Variants in MACF1 observed in about 807,000 individuals in gnomAD.
MACF1 encodes the protein microtubule-actin cross-linking factor 1.
A neutral mutation model predicts 854.8 loss-of-function variants in MACF1; 193 were observed. The observed-to-expected ratio is 0.23, with a 90% CI of 0.20 to 0.25. The LOEUF (loss-of-function observed/expected upper bound fraction) is 0.25, where lower values mean the gene tolerates loss of function less well. MACF1 is among the 10% of genes least tolerant of loss of function. The probability of loss-of-function intolerance (pLI) is 1.00; values close to 1 mark genes in which losing one functional copy is unlikely to be tolerated. For synonymous variants in MACF1, 3,185 were observed against 3,226.7 expected (o/e 0.99, Z 0.44); for missense variants, 7,722 against 8,929.1 (o/e 0.86, Z 5.45).
intron 36 of MACF1, among the ~76,000 whole-genome samples, chr1:39,330,904 C>G (rs1376639118): frequency 6.6e-6 from 1 of 151,946 alleles, no homozygotes; most frequent in African/African-American, 2.4e-5. Context: ...CGGGTTCAAG[C>G]CATTCTCCTG....
chr1:39,186,138 A>C (rs1032876778), intron 2 of MACF1, among the ~76,000 whole-genome samples: 20 of 148,116 alleles, frequency 1.4e-4, no homozygotes, highest in African/African-American at 5.0e-4. Flanking sequence ...CAGAATGTTA[A>C]GGGAATCCAT....
At chr1:39,319,786 C>T (rs1371692366) in intron 31 of MACF1, 39 bp downstream of exon 31, 1 of 1,436,030 alleles carries the variant, frequency 7.0e-7, no homozygotes, top group Admixed American at 1.7e-5. Context: ...TGAATCATCA[C>T]CAGCTCAGGA....
At chr1:39,091,510 T>C (rs1269125452) in intron 2 of MACF1, among the ~76,000 whole-genome samples, 1 of 152,134 alleles carries the variant, frequency 6.6e-6, no homozygotes, top group Non-Finnish European at 1.5e-5. Flanking sequence ...GATAATTTTT[T>C]TTTTGAGACA....
chr1:39,404,673 G>A (rs1214199139), intron 58 of MACF1, among the ~76,000 whole-genome samples: 4 of 152,078 alleles, frequency 2.6e-5, no homozygotes, highest in East Asian at 1.9e-4. Context: ...TTGTAGAGAC[G>A]AGTGTCTTGC....
intron 52 of MACF1, among the ~76,000 whole-genome samples, 165 bp from the exon 53 acceptor site, chr1:39,378,296 C>T (rs1234290940): frequency 6.6e-6 from 1 of 152,202 alleles, no homozygotes; most frequent in Non-Finnish European, 1.5e-5. Context: ...GTTTTGTTGC[C>T]TGGCAGCTAA....
intron 5 of MACF1, among the ~76,000 whole-genome samples, chr1:39,256,026 A>T (rs1393049699): frequency 1.3e-5 from 2 of 152,268 alleles, no homozygotes; most frequent in Non-Finnish European, 2.9e-5. Flanking sequence ...GTAGCTGTGC[A>T]GATGGCCAAG....
chr1:39,344,431 C>CAA (rs113140732), intron 40 of MACF1, among the ~76,000 whole-genome samples: 3 of 77,982 alleles, frequency 3.8e-5, no homozygotes, highest in East Asian at 3.2e-4. Flanking sequence ...GACTCTGTCT[C>CAA]AAAAAAAAAA....
Position 39,332,843 on chromosome 1 carries a change from AAAAG to A in MACF1, c.6257_6260del (p.Lys2086ArgfsTer9). ...CTGAACAGGATCTGTTTGTAGAACA[AAAAG>A]AGAGAAATCCAAACATTGATGCTTT... On this transcript the variant is annotated frameshift_variant, in exon 37 of 101. Transcript: ENST00000564288. LOFTEE classifies it high-confidence loss of function. 6.2e-7 allele frequency: 1 copy of A among 1,614,116 alleles called. No individual in the cohort carries two copies. The highest frequency in any genetic ancestry group is 1.1e-5 in the South Asian group (1 of 91,074).
At chr1:39,393,156 C>T (rs1417816070) in intron 58 of MACF1, among the ~76,000 whole-genome samples, 2 of 140,374 alleles carry the variant, frequency 1.4e-5, no homozygotes, top group African/African-American at 5.5e-5. Context: ...AAAGAATTCC[C>T]CTAGAGTGAC....
intron 2 of MACF1, among the ~76,000 whole-genome samples, chr1:39,115,512 C>A (rs999796636): frequency 6.6e-6 from 1 of 151,966 alleles, no homozygotes; most frequent in African/African-American, 2.4e-5. Context: ...GAAGTGGTGG[C>A]AGTGATGGTC....
chr1:39,349,683 A>G, intron 42 of MACF1, 56 bp downstream of exon 42: 1 of 1,573,866 alleles, frequency 6.4e-7, no homozygotes, highest in Non-Finnish European at 8.7e-7. Flanking sequence ...CTTAGGCTGG[A>G]GTACAGTGGT....
rs764499013 is a variant in MACF1, at chr1:39,451,202, T to A, written c.20409T>A (p.Asp6803Glu). 6.2e-7 allele frequency: 1 copy of A among 1,613,826 alleles called. No individual in the cohort carries two copies. Among genetic ancestry groups the A allele is most frequent in the Non-Finnish European group, 8.5e-7 (1 of 1,179,826 alleles). Residue 6803 changes from aspartate to glutamate, a missense_variant, in exon 85 of 101, where the codon GAT becomes GAA. Coordinates refer to ENST00000564288, the MANE Select transcript of MACF1 (RefSeq NM_001394062.1). ...GDLDLVMNLM[D>E]AHKVFQKELG... Reference sequence around the variant, plus strand: ...TTGACCTCGTCATGAACCTCATGGATGCACACAAGGTAGGGGTGAGGTCTG... The same window carrying A: ...TTGACCTCGTCATGAACCTCATGGAAGCACACAAGGTAGGGGTGAGGTCTG...
intron 2 of MACF1, among the ~76,000 whole-genome samples, chr1:39,091,127 C>T (rs1641791613): frequency 6.6e-6 from 1 of 152,206 alleles, no homozygotes; most frequent in South Asian, 2.1e-4. Flanking sequence ...GCTGAAGCTT[C>T]TGTCTTAAGC....
intron 2 of MACF1, among the ~76,000 whole-genome samples, chr1:39,141,572 G>A (rs1052491785): frequency 1.3e-5 from 2 of 152,270 alleles, no homozygotes; most frequent in East Asian, 1.9e-4. Flanking sequence ...GGATTCTGAC[G>A]GAGATTGAAT....
chr1:39,111,934 A>C lies in MACF1; in HGVS notation c.220+27496A>C, dbSNP rs1473138712. On this transcript the variant is annotated intron_variant, in intron 2 of 93. Coordinates refer to the MACF1 transcript ENST00000361689. ...CTTTTCATAATTTGACTTACTCTGC[A>C]CACCCAACTATACCATCTGTTACTG... Among the ~76,000 whole-genome samples, 4 of 152,098 alleles carry C rather than the reference A, an allele frequency of 2.6e-5. No homozygotes were observed. The East Asian group carries it at 7.7e-4, about 29-fold the overall frequency.
intron 40 of MACF1, among the ~76,000 whole-genome samples, chr1:39,342,649 G>T (rs12040883): frequency 6.6e-6 from 1 of 150,886 alleles, no homozygotes; most frequent in Admixed American, 6.6e-5. Flanking sequence ...CTCCCAAGTA[G>T]CTGGGATTAC....
At chr1:39,442,369 T>G in intron 76 of MACF1, 43 bp from the exon 77 acceptor site, 1 of 1,606,056 alleles carries the variant, frequency 6.2e-7, no homozygotes, top group Non-Finnish European at 8.5e-7. Flanking sequence ...CGCTCTTTTC[T>G]AATTTCGTAT....
intron 51 of MACF1, among the ~76,000 whole-genome samples, chr1:39,371,973 C>T (rs1649293962): frequency 6.6e-6 from 1 of 151,088 alleles, no homozygotes; most frequent in Non-Finnish European, 1.5e-5. Context: ...GCCACCACGC[C>T]CGGCTAATTT....
At chr1:39,456,953 G>C (rs983502803) in intron 89 of MACF1, 2 of 152,090 alleles carry the variant, frequency 1.3e-5, no homozygotes, top group African/African-American at 4.8e-5. Context: ...TTTAATCTTT[G>C]TGTTTTCCTC....
Sources: gnomAD v4.1 joint callset for allele counts (sites outside exome capture counted in the v4.1 genomes callset) on GRCh38, gnomAD v4.1.1 for gene constraint, MANE v1.5 for transcripts, NCBI Gene and HGNC (gene_info 2026-07-23, HGNC 2026-07-21) for gene names.